The following IGSF11 variants were observed in gnomAD, a reference collection of about 807,000 sequenced individuals.
The protein encoded by IGSF11 is CXADR like 1.
Under a neutral mutation model 41.0 loss-of-function variants are expected in IGSF11, and 22 were observed. The ratio of observed to expected loss-of-function variants is 0.54; its 90% CI spans 0.38 to 0.77. IGSF11 has a LOEUF of 0.77. Ranked by LOEUF, IGSF11 falls within the 30% of genes least tolerant of loss-of-function variation. The pLI is 0.00. For synonymous variants in IGSF11, 219 were observed against 201.3 expected, an observed-to-expected ratio of 1.09 and a Z score of -0.74; for missense variants, 444 against 530.8, an observed-to-expected ratio of 0.84 and a Z score of 1.61.
At chr3:119,076,136 A>G (rs1268945186) in intron 1 of IGSF11, among the ~76,000 whole-genome samples, 1 of 152,218 alleles carries the variant, frequency 6.6e-6, no homozygotes, top group Non-Finnish European at 1.5e-5. Flanking sequence ...TCTTTGACAA[A>G]ACTGACAAAA....
intron 1 of IGSF11, among the ~76,000 whole-genome samples, chr3:119,123,377 G>C (rs2077358908): frequency 6.6e-6 from 1 of 152,182 alleles, no homozygotes; most frequent in African/African-American, 2.4e-5. Flanking sequence ...TCCAGTCCCT[G>C]GTTCCTGGAC....
chr3:118,952,012 G>T (rs1225292755), intron 1 of IGSF11, among the ~76,000 whole-genome samples: 1 of 151,724 alleles, frequency 6.6e-6, no homozygotes, highest in Admixed American at 6.6e-5. Flanking sequence ...ACCAAAATAA[G>T]GTAAAAATCT....
chr3:118,911,410 G>A (rs183725394), intron 4 of IGSF11, among the ~76,000 whole-genome samples: 1 of 152,272 alleles, frequency 6.6e-6, no homozygotes, highest in Non-Finnish European at 1.5e-5. Context: ...GGAAACAGCA[G>A]TGTCAGTTCA....
rs566288405 is a variant in IGSF11 at position 119,044,054 on chromosome 3, G to GA, written c.49+61089dup. Among the ~76,000 whole-genome samples the GA allele has an allele frequency of 2.6e-4, 39 of 152,102 alleles. 1 individual carries two copies. The South Asian group carries it at 5.6e-3, about 22-fold the overall frequency. On this transcript the variant is annotated intron_variant, in intron 1 of 6. Coordinates refer to the IGSF11 transcript ENST00000354673. ...TTAGCACTGCAGCAATCCAAACCAA[G>GA]AAAAAATCTCTGAATTGCCAAATAA...
At chr3:119,089,283 AC>A (rs1354963813) in intron 1 of IGSF11, among the ~76,000 whole-genome samples, 4 of 152,172 alleles carry the variant, frequency 2.6e-5, no homozygotes, top group African/African-American at 2.4e-5. Flanking sequence ...ACATACACAA[AC>A]CAAAAAATGT....
intron 1 of IGSF11, among the ~76,000 whole-genome samples, chr3:118,956,261 G>A (rs1944951647): frequency 6.6e-6 from 1 of 152,134 alleles, no homozygotes; most frequent in Non-Finnish European, 1.5e-5. Flanking sequence ...TCAGCCATAA[G>A]GCTGTTTCAC....
chr3:119,074,602 T>C lies in IGSF11; in HGVS notation c.49+30542A>G, dbSNP rs114058058. On this transcript the variant is annotated intron_variant, in intron 1 of 6. Transcript: ENST00000354673. ...GGCACACGAGATTACATACCTGTAA[T>C]CCCAGCACTTTGGGAGGCCGAGGCA... Among the ~76,000 whole-genome samples the C allele has an allele frequency of 5.8e-3, 875 of 151,156 alleles. 2 individuals are homozygous for C. The highest frequency in any genetic ancestry group is 0.02 in the Middle Eastern group (6 of 294).
chr3:118,967,421 A>C (rs1357721864), intron 1 of IGSF11, among the ~76,000 whole-genome samples: 5 of 152,174 alleles, frequency 3.3e-5, no homozygotes, highest in Non-Finnish European at 7.3e-5. Flanking sequence ...TTCAAAACAA[A>C]ATATTTCACT....
chr3:119,011,281 C>A (rs893486957), intron 1 of IGSF11, among the ~76,000 whole-genome samples: 1 of 152,042 alleles, frequency 6.6e-6, no homozygotes, highest in African/African-American at 2.4e-5. Context: ...TCTAAATGGC[C>A]TGTAGAACCA....
upstream of IGSF11, among the ~76,000 whole-genome samples, chr3:119,109,257 C>G (rs1470843379): frequency 2.0e-5 from 3 of 149,874 alleles, no homozygotes; most frequent in East Asian, 1.9e-4. Context: ...ATTATTGCCA[C>G]AATTTCAGAT....
At chr3:119,126,180 G>A (rs753797173) in intron 1 of IGSF11, among the ~76,000 whole-genome samples, 10 of 152,202 alleles carry the variant, frequency 6.6e-5, no homozygotes, top group Non-Finnish European at 1.3e-4. Context: ...GCGCTTTTCC[G>A]CTGCTGGAGC....
At chr3:118,978,757 C>A (rs567465248) in intron 1 of IGSF11, among the ~76,000 whole-genome samples, 120 of 152,274 alleles carry the variant, frequency 7.9e-4, no homozygotes, top group Non-Finnish European at 1.5e-3. Flanking sequence ...CCAACCGACA[C>A]CATATATTCA....
chr3:119,097,211 C>T (rs192865343), intron 1 of IGSF11, among the ~76,000 whole-genome samples: 40 of 152,100 alleles, frequency 2.6e-4, no homozygotes, highest in African/African-American at 9.6e-4. Flanking sequence ...TGCCATAATA[C>T]GTTTCTCAAA....
upstream of IGSF11, among the ~76,000 whole-genome samples, chr3:119,038,719 C>G (rs60308197): frequency 0.02 from 3,038 of 152,036 alleles, 98 homozygotes; most frequent in African/African-American, 0.07. Context: ...AATATTCTGC[C>G]AAGTTTCTTT....
intron 1 of IGSF11, among the ~76,000 whole-genome samples, chr3:118,967,899 C>T (rs1021240218): frequency 5.3e-5 from 8 of 152,066 alleles, no homozygotes; most frequent in African/African-American, 1.9e-4. Context: ...GCATGTTCTT[C>T]TTTATTCTCA....
chr3:118,927,648 T>C (rs1000975102), intron 3 of IGSF11, among the ~76,000 whole-genome samples: 1 of 152,058 alleles, frequency 6.6e-6, no homozygotes, highest in Non-Finnish European at 1.5e-5. Flanking sequence ...GGGGTGGAGT[T>C]TGACAAGGAC....
intron 3 of IGSF11, among the ~76,000 whole-genome samples, chr3:118,927,611 C>T (rs1261542148): frequency 2.6e-5 from 4 of 152,064 alleles, no homozygotes; most frequent in Non-Finnish European, 4.4e-5. Flanking sequence ...TTAAGTGACT[C>T]AACAACAACG....
intron 1 of IGSF11, among the ~76,000 whole-genome samples, chr3:118,994,319 A>G (rs1936065264): frequency 6.6e-6 from 1 of 152,190 alleles, no homozygotes; most frequent in African/African-American, 2.4e-5. Context: ...ACATTGATTG[A>G]GGCCCATAAT....
chr3:119,043,899 C>A (rs539512740), intron 1 of IGSF11, among the ~76,000 whole-genome samples: 5 of 152,272 alleles, frequency 3.3e-5, no homozygotes, highest in African/African-American at 1.2e-4. Flanking sequence ...TGGGACAAAA[C>A]AATCTGAACA....
Sources: allele counts gnomAD v4.1 joint callset (sites outside exome capture counted in the v4.1 genomes callset), GRCh38; gene constraint gnomAD v4.1.1; transcripts MANE v1.5; gene names NCBI Gene and HGNC (gene_info 2026-07-23, HGNC 2026-07-21).